The following IL4R variants were observed in gnomAD, a reference collection of about 807,000 sequenced individuals.
The protein encoded by IL4R is interleukin 4 receptor.
A neutral mutation model predicts 41.5 loss-of-function variants in IL4R; 17 were observed. That is an observed-to-expected ratio of 0.41 (90% CI 0.28 to 0.61). The LOEUF (loss-of-function observed/expected upper bound fraction) is 0.61. Ranked by LOEUF, IL4R falls within the 20% of genes least tolerant of loss-of-function variation. IL4R has a pLI of 0.31. For missense variants in IL4R, 974 were observed against 1,043.1 expected, an observed-to-expected ratio of 0.93 and a Z score of 0.91; for synonymous variants, 402 against 422.9, an observed-to-expected ratio of 0.95 and a Z score of 0.61.
Position 27,346,283 on chromosome 16 carries a change from A to G in IL4R, c.362-184A>G, listed in dbSNP as rs548457123. Among the ~76,000 whole-genome samples the G allele has an allele frequency of 1.5e-4, 23 of 152,332 alleles. 1 individual carries two copies. Among genetic ancestry groups the G allele is most frequent in the Admixed American group, 7.2e-4 (11 of 15,296 alleles). ...CTAAAGTTCTATGTAGAATTTTAGC[A>G]ACATTATTGTTATTATAATCTTCTT... On this transcript the variant is annotated intron_variant, in intron 5 of 10. Transcript: ENST00000395762.
intron 1 of IL4R, among the ~76,000 whole-genome samples, chr16:27,327,869 A>G (rs2085004180): frequency 6.6e-6 from 1 of 152,138 alleles, no homozygotes; most frequent in African/African-American, 2.4e-5. Flanking sequence ...TAAGTACTGC[A>G]TATACAGTTA....
chr16:27,323,032 G>C (rs775364167), intron 1 of IL4R, among the ~76,000 whole-genome samples: 1 of 152,152 alleles, frequency 6.6e-6, no homozygotes, highest in Non-Finnish European at 1.5e-5. Flanking sequence ...CCCCATGTCT[G>C]TGTGTCCCCA....
chr16:27,355,046 T>C (rs1460869327), intron 7 of IL4R: 1 of 466,858 alleles, frequency 2.1e-6, no homozygotes, highest in Admixed American at 2.4e-5. Context: ...TCCTCCTACA[T>C]GGCTAGCCCT....
chr16:27,328,038 C>T (rs915784109), intron 1 of IL4R, among the ~76,000 whole-genome samples: 5 of 151,638 alleles, frequency 3.3e-5, no homozygotes, highest in African/African-American at 4.8e-5. Flanking sequence ...GGTGAAATCC[C>T]GTTTCTACTA....
Position 27,362,176 on chromosome 16 carries a change from C to T in IL4R, c.900-76C>T. The T allele has an allele frequency of 3.5e-6, 5 of 1,443,794 alleles. No individual in the cohort carries two copies. In the South Asian group the frequency reaches 3.8e-5, roughly 11 times the overall value. 89.4% of individuals were successfully genotyped at this position (1,443,794 alleles called of 1,614,324 possible). ...GACAGCCATCAGGACATGGTGATTT[C>T]AGGCTGGGCTTTGAAGAATGAATAG... On this transcript the variant is annotated intron_variant, in intron 10 of 10. Transcript: ENST00000395762.
At position 27,360,786 on chromosome 16, in the gene IL4R, G is replaced by A. The variant is rs1233029565; in HGVS notation, c.870G>A (p.Arg290=). The A allele has an allele frequency of 6.2e-7, 1 of 1,614,118 alleles. No homozygotes were observed. The highest frequency in any genetic ancestry group is 1.7e-5 in the Admixed American group (1 of 60,018). ...TTTAGGGGTCACAGTGGGAGAAGCG[G>A]TCCCGAGGCCAGGAACCAGCCAAGT... is the stretch of plus-strand genomic sequence containing the variant. ...QDAQGSQWEK[R]SRGQEPAKCP... is the part of the protein sequence containing the mutation. The change falls in exon 10 of 11, where the codon CGG becomes CGA. Residue 290 remains arginine, a synonymous_variant. Transcript: ENST00000395762.
At chr16:27,359,892 C>T in intron 9 of IL4R, 1 of 430,408 alleles carries the variant, frequency 2.3e-6, no homozygotes, top group Non-Finnish European at 4.7e-6. Flanking sequence ...CTTCTGCAGG[C>T]TGGCATTTGG....
At chr16:27,360,289 C>T (rs974407888) in intron 9 of IL4R, among the ~76,000 whole-genome samples, 1 of 152,252 alleles carries the variant, frequency 6.6e-6, no homozygotes, top group Non-Finnish European at 1.5e-5. Flanking sequence ...GCTGGGATTA[C>T]AGGCGTGAGC....
At chr16:27,358,658 G>A (rs1457302049) in intron 8 of IL4R, among the ~76,000 whole-genome samples, 1 of 152,184 alleles carries the variant, frequency 6.6e-6, no homozygotes, top group Non-Finnish European at 1.5e-5. Flanking sequence ...AACAGAATGC[G>A]GGAGTGTGAA....
At chr16:27,340,503 G>A (rs1415521010) in intron 3 of IL4R, among the ~76,000 whole-genome samples, 3 of 152,114 alleles carry the variant, frequency 2.0e-5, no homozygotes, top group Middle Eastern at 3.4e-3. Context: ...CAGGAGGATC[G>A]CTTGAGCCCA....
rs145986476 is a variant in IL4R, at chr16:27,348,194, C to A, written c.513+1576C>A. Among the ~76,000 whole-genome samples the A allele has an allele frequency of 5.2e-3, 793 of 152,286 alleles. 3 individuals are homozygous for A. Among genetic ancestry groups the A allele is most frequent in the Middle Eastern group, 0.01 (3 of 294 alleles). On this transcript the variant is annotated intron_variant, in intron 6 of 10. Transcript: ENST00000395762. ...TCTGGTTTCCCCTTTGGCACTGGGC[C>A]AGGTATGGGGAAAGAGCAGGAATGG...
Position 27,346,485 on chromosome 16 carries a change from G to A in IL4R, c.380G>A (p.Gly127Glu). ...PSEHVKPRAP[G>E]NLTVHTNVSD... ...CCCGCAGTGAAACCCAGGGCCCCAG[G>A]AAACCTGACAGTTCACACCAATGTC... is the stretch of plus-strand genomic sequence containing the variant. The change falls in exon 6 of 11, where the codon GGA becomes GAA. Residue 127 changes from glycine to glutamate, a missense_variant. Physicochemically the swap from Gly to Glu is moderately conservative, Grantham distance 98 (BLOSUM62 -2). Around this residue, in one of 3 missense-constraint regions of IL4R, gnomAD observed 284 missense variants for 313.4 expected, o/e 0.91. Coordinates refer to ENST00000395762, the MANE Select transcript of IL4R (RefSeq NM_000418.4). The A allele has an allele frequency of 4.3e-6, 7 of 1,614,092 alleles. No homozygotes were observed. The highest frequency in any genetic ancestry group is 5.9e-6 in the Non-Finnish European group (7 of 1,180,018).
intron 1 of IL4R, among the ~76,000 whole-genome samples, chr16:27,321,757 A>C (rs1181414577): frequency 2.0e-5 from 3 of 152,224 alleles, no homozygotes; most frequent in Admixed American, 2.0e-4. Flanking sequence ...ACAACTTGTT[A>C]CACAATGTTA....
chr16:27,355,585 G>A, intron 7 of IL4R: 1 of 503,010 alleles, frequency 2.0e-6, no homozygotes, highest in Non-Finnish European at 3.6e-6. Flanking sequence ...TCTGGAGGTG[G>A]CACTGAGCTT....
chr16:27,321,124 A>G (rs1382351130), intron 1 of IL4R, among the ~76,000 whole-genome samples: 10 of 151,864 alleles, frequency 6.6e-5, no homozygotes, highest in Admixed American at 5.3e-4. Context: ...TTGTATTTTT[A>G]TTAGCAATGG....
rs2085586651 is a variant in IL4R, at chr16:27,344,956, T to C, written c.297T>C (p.Tyr99=). The C allele has an allele frequency of 2.5e-6, 4 of 1,614,068 alleles. 1 individual carries two copies. Among genetic ancestry groups the C allele is most frequent in the Middle Eastern group, 1.7e-4 (1 of 6,060 alleles). ...LMDDVVSADN[Y]TLDLWAGQQL... ...ATGACGTGGTCAGTGCGGATAACTATACACTGGACCTGTGGGCTGGGCAGC... is the reference window on the plus strand; with the variant it reads ...ATGACGTGGTCAGTGCGGATAACTACACACTGGACCTGTGGGCTGGGCAGC... The change falls in exon 5 of 11, where the codon TAT becomes TAC. Residue 99 remains tyrosine, a synonymous_variant. Coordinates refer to ENST00000395762, the MANE Select transcript of IL4R (RefSeq NM_000418.4).
chr16:27,328,065 C>G (rs1048670843), intron 1 of IL4R, among the ~76,000 whole-genome samples: 1 of 151,690 alleles, frequency 6.6e-6, no homozygotes, highest in Non-Finnish European at 1.5e-5. Context: ...CAAAAATTAG[C>G]CAGGTGTGAT....
intron 7 of IL4R, 128 bp downstream of exon 7, chr16:27,352,824 T>C (rs963022553): frequency 2.7e-5 from 25 of 919,390 alleles, no homozygotes; most frequent in Non-Finnish European, 3.9e-5. Context: ...ATCCTGCCAT[T>C]AGATACACCT....
Position 27,362,981 on chromosome 16 carries a change from C to T in IL4R, c.1629C>T (p.Pro543=). 1 of 1,614,122 alleles carries T rather than the reference C, an allele frequency of 6.2e-7. No homozygotes were observed. Among genetic ancestry groups the T allele is most frequent in the East Asian group, 2.2e-5 (1 of 44,880 alleles). ...VPQLSEPTTV[P]QPEPETWEQI... ...AGCTCTCTGAGCCAACCACTGTGCC[C>T]CAACCTGAGCCAGAAACCTGGGAGC... is the stretch of plus-strand genomic sequence containing the variant. The change falls in exon 11 of 11, where the codon CCC becomes CCT. Residue 543 remains proline (P), a synonymous_variant. Coordinates refer to ENST00000395762, the MANE Select transcript of IL4R (RefSeq NM_000418.4).
Sources: allele counts gnomAD v4.1 joint callset (sites outside exome capture counted in the v4.1 genomes callset), GRCh38; gene constraint gnomAD v4.1.1; regional missense constraint gnomAD v4.1.1; transcripts MANE v1.5; gene names NCBI Gene and HGNC (gene_info 2026-07-23, HGNC 2026-07-21).